Variants in PTPRT observed in about 807,000 individuals in gnomAD.
The protein encoded by PTPRT is protein tyrosine phosphatase receptor type T.
PTPRT carries 56 observed loss-of-function variants against 176.8 expected under a neutral mutation model. The observed-to-expected ratio is 0.32, with a 90% CI of 0.26 to 0.40. The LOEUF is 0.40. Among genes scored for constraint, PTPRT ranks in the 10% least tolerant of loss-of-function variants. PTPRT has a pLI of 1.00. For missense variants in PTPRT, 1,540 were observed against 1,908.2 expected, an observed-to-expected ratio of 0.81 and a Z score of 3.60; for synonymous variants, 783 against 739.0, an observed-to-expected ratio of 1.06 and a Z score of -0.96.
In PTPRT at chr20:42,993,464, GTATA is replaced by G. The variant is rs1352152818; in HGVS notation, c.89-107536_89-107533del. On this transcript the variant is annotated intron_variant, in intron 1 of 30. Coordinates refer to ENST00000373187, the MANE Select transcript of PTPRT (RefSeq NM_007050.6). Reference sequence around the variant, plus strand: ...TGTATATATATATATGTATGTGTGTGTATATATATACACATATATGTGTGTGTAT... The same window carrying G: ...TGTATATATATATATGTATGTGTGTGTATATACACATATATGTGTGTGTAT... 5.0e-5 allele frequency among the ~76,000 whole-genome samples: 3 copies of G among 60,286 alleles called. No homozygotes were observed. The East Asian group carries it at 9.2e-4, about 19-fold the overall frequency. The allele number at this position is 60,286 out of a possible 152,430, so 39.5% of individuals were successfully genotyped here.
intron 1 of PTPRT, among the ~76,000 whole-genome samples, chr20:43,169,955 C>A (rs964165483): frequency 2.0e-5 from 3 of 152,236 alleles, no homozygotes; most frequent in Middle Eastern, 3.4e-3. Context: ...GGCTCTTTAG[C>A]TTCTTTCTAG....
intron 9 of PTPRT, among the ~76,000 whole-genome samples, chr20:42,430,425 G>C (rs991561971): frequency 6.6e-6 from 1 of 152,140 alleles, no homozygotes; most frequent in African/African-American, 2.4e-5. Context: ...CCTGGGGTGG[G>C]GACAGAGATA....
chr20:43,154,952 G>A (rs1409986825), intron 1 of PTPRT, among the ~76,000 whole-genome samples: 1 of 152,120 alleles, frequency 6.6e-6, no homozygotes, highest in Admixed American at 6.5e-5. Context: ...ATGAAAAAAT[G>A]CTCAGCATCA....
At chr20:43,015,605 C>T (rs1475302382) in intron 1 of PTPRT, among the ~76,000 whole-genome samples, 1 of 152,172 alleles carries the variant, frequency 6.6e-6, no homozygotes, top group Non-Finnish European at 1.5e-5. Flanking sequence ...GCTTGCTTTG[C>T]TTAGCATAAG....
chr20:42,592,128 C>T (rs2073589273), intron 7 of PTPRT, among the ~76,000 whole-genome samples: 1 of 150,978 alleles, frequency 6.6e-6, no homozygotes, highest in Non-Finnish European at 1.5e-5. Context: ...TACAGGCACC[C>T]ACAACCACAC....
chr20:42,751,190 G>T (rs896723465), intron 6 of PTPRT, among the ~76,000 whole-genome samples: 1 of 152,164 alleles, frequency 6.6e-6, no homozygotes, highest in African/African-American at 2.4e-5. Context: ...CTGAGTACCT[G>T]CTGTGGAAGC....
At chr20:42,258,274 A>G (rs1026092542) in intron 13 of PTPRT, among the ~76,000 whole-genome samples, 1 of 152,278 alleles carries the variant, frequency 6.6e-6, no homozygotes, top group South Asian at 2.1e-4. Flanking sequence ...ATCCTATTCT[A>G]ATATCTAAGG....
At chr20:43,061,061 T>C (rs1195265173) in intron 1 of PTPRT, among the ~76,000 whole-genome samples, 1 of 149,746 alleles carries the variant, frequency 6.7e-6, no homozygotes, top group Non-Finnish European at 1.5e-5. Flanking sequence ...AGTAGGAGGG[T>C]GGGTGAGTGG....
At chr20:42,682,807 C>T (rs1379423149) in intron 6 of PTPRT, among the ~76,000 whole-genome samples, 1 of 152,132 alleles carries the variant, frequency 6.6e-6, no homozygotes, top group Non-Finnish European at 1.5e-5. Context: ...GTAATTCTGC[C>T]ACATCCTCAG....
intron 12 of PTPRT, among the ~76,000 whole-genome samples, chr20:42,283,408 T>G (rs1269652592): frequency 6.6e-6 from 1 of 152,174 alleles, no homozygotes; most frequent in Non-Finnish European, 1.5e-5. Context: ...CTTGTCTTGC[T>G]GCAGCTCATT....
At chr20:42,896,415 T>C (rs2145902603) in intron 1 of PTPRT, among the ~76,000 whole-genome samples, 1 of 152,186 alleles carries the variant, frequency 6.6e-6, no homozygotes, top group Middle Eastern at 3.4e-3. Context: ...GGCGGGTGGA[T>C]CTCCTGAGGC....
At chr20:43,103,884 A>G (rs1414472254) in intron 1 of PTPRT, among the ~76,000 whole-genome samples, 1 of 152,172 alleles carries the variant, frequency 6.6e-6, no homozygotes, top group Non-Finnish European at 1.5e-5. Flanking sequence ...TTAGGAAATA[A>G]CATCTACCGC....
intron 15 of PTPRT, among the ~76,000 whole-genome samples, chr20:42,227,582 T>C (rs890622419): frequency 6.1e-5 from 9 of 147,702 alleles, no homozygotes; most frequent in Non-Finnish European, 8.9e-5. Context: ...TTGTAGCGAA[T>C]GGGGAAAGTC....
intron 14 of PTPRT, among the ~76,000 whole-genome samples, chr20:42,245,091 T>C (rs1027854148): frequency 6.6e-6 from 1 of 152,182 alleles, no homozygotes; most frequent in African/African-American, 2.4e-5. Flanking sequence ...TTTTACTACA[T>C]AATGACATGG....
At chr20:42,617,795 T>A (rs539979624) in intron 7 of PTPRT, among the ~76,000 whole-genome samples, 1 of 139,530 alleles carries the variant, frequency 7.2e-6, no homozygotes, top group East Asian at 2.0e-4. Context: ...ATCCCCTTTA[T>A]CATTTTTTAT....
At chr20:42,323,098 A>T (rs1475909201) in intron 11 of PTPRT, among the ~76,000 whole-genome samples, 2 of 152,110 alleles carry the variant, frequency 1.3e-5, no homozygotes, top group Non-Finnish European at 2.9e-5. Context: ...GTCATTAAAA[A>T]GTCAGGAAAC....
chr20:42,195,365 G>T (rs576050668), intron 16 of PTPRT, among the ~76,000 whole-genome samples: 1 of 152,150 alleles, frequency 6.6e-6, no homozygotes, highest in Non-Finnish European at 1.5e-5. Flanking sequence ...TAAAGACACC[G>T]ATTCAGAGGC....
intron 6 of PTPRT, among the ~76,000 whole-genome samples, chr20:42,688,989 A>G (rs2075747036): frequency 6.6e-6 from 1 of 152,202 alleles, no homozygotes; most frequent in South Asian, 2.1e-4. Context: ...TGGCAGGCCC[A>G]GAGTCCTGTG....
At chr20:42,989,707 G>A (rs1040647221) in intron 1 of PTPRT, among the ~76,000 whole-genome samples, 4 of 152,164 alleles carry the variant, frequency 2.6e-5, no homozygotes, top group African/African-American at 9.7e-5. Flanking sequence ...TCCCTTGACA[G>A]CAGAAGAGTC....
Sources: gnomAD v4.1 joint callset for allele counts (sites outside exome capture counted in the v4.1 genomes callset) on GRCh38, gnomAD v4.1.1 for gene constraint, MANE v1.5 for transcripts, NCBI Gene and HGNC (gene_info 2026-07-23, HGNC 2026-07-21) for gene names.